The following LIMK1 variants were observed in gnomAD, a reference collection of about 807,000 sequenced individuals.
The protein encoded by LIMK1 is LIM domain kinase 1, also known as LIM motif-containing protein kinase.
In LIMK1, 21 loss-of-function variants were observed where a neutral mutation model predicts 77.6. The ratio of observed to expected loss-of-function variants is 0.27; its 90% CI spans 0.19 to 0.39. The LOEUF is 0.39. Ranked by LOEUF, LIMK1 falls within the 10% of genes least tolerant of loss-of-function variation. The pLI is 1.00. For missense variants in LIMK1, 696 were observed against 901.6 expected (o/e 0.77, Z 2.92); for synonymous variants, 358 against 370.0 (o/e 0.97, Z 0.37).
At chr7:74,092,832 TC>T (rs1348560322) in intron 2 of LIMK1, among the ~76,000 whole-genome samples, 1 of 152,162 alleles carries the variant, frequency 6.6e-6, no homozygotes, top group Non-Finnish European at 1.5e-5. Context: ...CGACCTCTGT[TC>T]CCTTGGGGGC....
intron 13 of LIMK1, among the ~76,000 whole-genome samples, chr7:74,117,835 C>T (rs1286107364): frequency 6.6e-6 from 1 of 152,050 alleles, no homozygotes; most frequent in Admixed American, 6.6e-5. Flanking sequence ...AGGCCAGGCA[C>T]AGTGGCTCAC....
Position 74,097,319 on chromosome 7 carries a change from A to G in LIMK1, c.401+130A>G, listed in dbSNP as rs539672045. ...GTGAGGTTTGTTGGGGCAAATGTTC[A>G]TATCTCCTTTCCCATCCCGGCATGG... On this transcript the variant is annotated intron_variant, in intron 4 of 15. Coordinates refer to ENST00000336180, the MANE Select transcript of LIMK1 (RefSeq NM_002314.4). 7.5e-5 allele frequency: 41 copies of G among 547,744 alleles called. 1 individual carries two copies. The highest frequency in any genetic ancestry group is 6.3e-4 in the East Asian group (20 of 31,892). 33.9% of individuals were successfully genotyped at this position (547,744 alleles called of 1,614,324 possible).
intron 2 of LIMK1, chr7:74,093,314 C>G (rs781802642): frequency 6.5e-6 from 10 of 1,535,838 alleles, no homozygotes; most frequent in South Asian, 6.0e-5. Flanking sequence ...GTGGGAATCC[C>G]CCTCCCTACT....
At chr7:74,096,996 A>G in intron 3 of LIMK1, 84 bp from the exon 4 acceptor site, 1 of 1,168,298 alleles carries the variant, frequency 8.6e-7, no homozygotes, top group Non-Finnish European at 1.2e-6. Context: ...TTTTGGTGAC[A>G]CCCTTGGAAG....
intron 10 of LIMK1, chr7:74,110,166 A>G (rs1351859408): frequency 6.6e-6 from 1 of 152,090 alleles, no homozygotes; most frequent in East Asian, 1.9e-4. Flanking sequence ...TGGACAACAT[A>G]ATGAGATCCC....
intron 5 of LIMK1, among the ~76,000 whole-genome samples, chr7:74,104,174 C>T (rs1799521435): frequency 6.6e-6 from 1 of 152,026 alleles, no homozygotes; most frequent in Non-Finnish European, 1.5e-5. Context: ...TCAAGCAATC[C>T]TCCCACCTTG....
At chr7:74,108,225 C>T (rs1799621369) in intron 9 of LIMK1, among the ~76,000 whole-genome samples, 1 of 152,038 alleles carries the variant, frequency 6.6e-6, no homozygotes, top group South Asian at 2.1e-4. Flanking sequence ...GTCATCCCAG[C>T]TACTCGGGGG....
At chr7:74,088,801 CA>C (rs145728454) in intron 2 of LIMK1, among the ~76,000 whole-genome samples, 2,000 of 67,038 alleles carry the variant, frequency 0.03, 12 homozygotes, top group Middle Eastern at 0.11. Flanking sequence ...GACTCCATCT[CA>C]AAAAAAAAAA....
At position 74,099,194 on chromosome 7, in the gene LIMK1, A is replaced by T; in HGVS notation, c.564A>T (p.Pro188=). 6.2e-7 allele frequency: 1 copy of T among 1,610,604 alleles called. No homozygotes were observed. The highest frequency in any genetic ancestry group is 8.5e-7 in the Non-Finnish European group (1 of 1,179,986). The change falls in exon 5 of 16, where the codon CCA becomes CCT. Residue 188 remains proline (P), a synonymous_variant. Coordinates refer to ENST00000336180, the MANE Select transcript of LIMK1 (RefSeq NM_002314.4). ...TCTCCATTGACCCCCCGCACGGCCC[A>T]CCGGGCTGTGGCACCGAGCACTCAC... ...LSVSIDPPHG[P]PGCGTEHSHT...
intron 1 of LIMK1, among the ~76,000 whole-genome samples, chr7:74,084,734 C>T (rs969544525): frequency 6.6e-6 from 1 of 152,126 alleles, no homozygotes; most frequent in African/African-American, 2.4e-5. Context: ...GGGCCCAAGG[C>T]GCAGTACTGC....
chr7:74,095,300 C>T (rs1209095312), intron 2 of LIMK1, among the ~76,000 whole-genome samples: 1 of 152,266 alleles, frequency 6.6e-6, no homozygotes, highest in Middle Eastern at 3.4e-3. Flanking sequence ...GACGGACCCC[C>T]TAGCCTGTTC....
At chr7:74,096,324 A>G (rs1251456642) in intron 2 of LIMK1, among the ~76,000 whole-genome samples, 3 of 149,662 alleles carry the variant, frequency 2.0e-5, no homozygotes, top group African/African-American at 7.4e-5. Flanking sequence ...AGATGGTGAA[A>G]CCCCATCTCT....
intron 2 of LIMK1, among the ~76,000 whole-genome samples, chr7:74,091,362 A>G (rs1223950363): frequency 1.3e-5 from 2 of 152,040 alleles, no homozygotes; most frequent in African/African-American, 4.8e-5. Flanking sequence ...CATCTCTACA[A>G]AAAAATTAGC....
In LIMK1 at chr7:74,097,087, G is replaced by A; in HGVS notation, c.299G>A (p.Gly100Glu). The A allele has an allele frequency of 6.2e-7, 1 of 1,612,220 alleles. No individual in the cohort carries two copies. The highest frequency in any genetic ancestry group is 1.1e-5 in the South Asian group (1 of 90,854). The change falls in exon 4 of 16, where the codon GGG (glycine) becomes GAG (glutamate). Residue 100 changes from glycine (G) to glutamate (E), a missense_variant. Physicochemically the swap from Gly to Glu is moderately conservative, Grantham distance 98. Transcript: ENST00000336180. ...QITKGLVMVAGELKYHPECFI... is the reference protein window; with the variant it reads ...QITKGLVMVAEELKYHPECFI... The stretch of plus-strand genomic sequence containing the variant: ...TCCTCACCCCCGCACCAGGTGGCTG[G>A]GGAGCTGAAGTACCACCCCGAGTGT...
chr7:74,119,024 T>A (rs1172608830), intron 13 of LIMK1, among the ~76,000 whole-genome samples: 2 of 151,900 alleles, frequency 1.3e-5, no homozygotes, highest in Non-Finnish European at 2.9e-5. Flanking sequence ...GCCTCCCACG[T>A]AGCTGGGACT....
At chr7:74,118,965 G>A (rs545329602) in intron 13 of LIMK1, among the ~76,000 whole-genome samples, 3 of 151,908 alleles carry the variant, frequency 2.0e-5, no homozygotes, top group African/African-American at 7.3e-5. Flanking sequence ...GTGCGATCTC[G>A]GCTCACTGCA....
At chr7:74,115,497 C>T (rs886400305) in intron 12 of LIMK1, 33 of 335,440 alleles carry the variant, frequency 9.8e-5, no homozygotes, top group African/African-American at 5.0e-4. Context: ...TGGGAGGGAG[C>T]GCTTGCAGGA....
intron 2 of LIMK1, among the ~76,000 whole-genome samples, chr7:74,091,841 G>C (rs1799242944): frequency 6.6e-6 from 1 of 152,138 alleles, no homozygotes; most frequent in Admixed American, 6.6e-5. Flanking sequence ...CCTTGGGGTG[G>C]GAATGTGCTT....
At chr7:74,101,112 A>G (rs1799451469) in intron 5 of LIMK1, among the ~76,000 whole-genome samples, 1 of 152,188 alleles carries the variant, frequency 6.6e-6, no homozygotes. Flanking sequence ...CTGCATAGGC[A>G]CTGTTGAGAT....
Sources: gnomAD v4.1 joint callset for allele counts (sites outside exome capture counted in the v4.1 genomes callset) on GRCh38, gnomAD v4.1.1 for gene constraint, MANE v1.5 for transcripts, NCBI Gene and HGNC (gene_info 2026-07-23, HGNC 2026-07-21) for gene names.